Variants in POU1F1 observed in about 807,000 individuals in gnomAD.
POU1F1 encodes POU class 1 homeobox 1, also known as pituitary-specific positive transcription factor 1.
In POU1F1, 23 loss-of-function variants were observed where a neutral mutation model predicts 32.3. The ratio of observed to expected loss-of-function variants is 0.71; its 90% confidence interval spans 0.51 to 1.01. POU1F1 has a LOEUF of 1.01. POU1F1 is among the 50% of genes least tolerant of loss of function. The probability of loss-of-function intolerance (pLI) is 0.00; values close to 1 mark genes in which losing one functional copy is unlikely to be tolerated. For synonymous variants in POU1F1, 120 were observed against 115.6 expected (o/e 1.04, Z -0.25); for missense variants, 323 against 341.6 (o/e 0.95, Z 0.43).
At chr3:87,261,572 T>C (rs1439291275) in intron 4 of POU1F1, among the ~76,000 whole-genome samples, 1 of 152,208 alleles carries the variant, frequency 6.6e-6, no homozygotes, top group Non-Finnish European at 1.5e-5. Flanking sequence ...TTTACTTTTG[T>C]TGGAATGCTT....
At chr3:87,271,731 T>A (rs566048477) in intron 2 of POU1F1, among the ~76,000 whole-genome samples, 1 of 152,134 alleles carries the variant, frequency 6.6e-6, no homozygotes, top group African/African-American at 2.4e-5. Flanking sequence ...TAACCATGAA[T>A]ACTAATTAAG....
intron 4 of POU1F1, 85 bp from the exon 5 acceptor site, chr3:87,261,418 C>T: frequency 9.3e-7 from 1 of 1,070,844 alleles, no homozygotes; most frequent in Non-Finnish European, 1.4e-6. Flanking sequence ...AAATTTTCTT[C>T]ATAAAACAAT....
chr3:87,264,536 A>G (rs758722216), intron 2 of POU1F1, 24 bp from the exon 3 acceptor site: 5 of 1,515,266 alleles, frequency 3.3e-6, no homozygotes, highest in Non-Finnish European at 4.6e-6. Context: ...AAGAAATAAA[A>G]TGAAAAAGAC....
chr3:87,276,053 G>A (rs1706820098), intron 1 of POU1F1, among the ~76,000 whole-genome samples: 1 of 151,972 alleles, frequency 6.6e-6, no homozygotes, highest in Admixed American at 6.6e-5. Flanking sequence ...AAATGTCCAA[G>A]TTCATTCTTT....
chr3:87,263,890 A>T (rs770654452), intron 3 of POU1F1, among the ~76,000 whole-genome samples: 1 of 151,964 alleles, frequency 6.6e-6, no homozygotes, highest in Non-Finnish European at 1.5e-5. Context: ...TATCCATGAG[A>T]TATCATTGGA....
chr3:87,275,071 ACTATTTAAAATATGTGATTAG>A (rs1706800908), intron 1 of POU1F1, among the ~76,000 whole-genome samples: 2 of 151,972 alleles, frequency 1.3e-5, no homozygotes, highest in South Asian at 4.1e-4. Context: ...AGGATGACCT[ACTATTTAAAATATGTGATTAG>A]CTATGTGGTA....
chr3:87,271,251 A>G (rs150110630), intron 2 of POU1F1, among the ~76,000 whole-genome samples: 15 of 152,252 alleles, frequency 9.9e-5, no homozygotes, highest in African/African-American at 3.6e-4. Context: ...TGAGCTGCCA[A>G]CACTCTCAAT....
chr3:87,276,494 C>A lies in POU1F1; in HGVS notation c.-32G>T. ...AAGAGAGTAGAAAAATAAGGAGAAC[C>A]GCTGCTCCCCAAATCAGAGTTTTAT... On this transcript the variant is annotated 5_prime_UTR_variant, in exon 1 of 6. Coordinates refer to ENST00000350375, the MANE Select transcript of POU1F1 (RefSeq NM_000306.4). 2 of 1,610,356 alleles carry A rather than the reference C, an allele frequency of 1.2e-6. No individual in the cohort carries two copies. The highest frequency in any genetic ancestry group is 1.7e-4 in the Middle Eastern group (1 of 6,046).
At chr3:87,262,845 C>T (rs937514929) in intron 3 of POU1F1, among the ~76,000 whole-genome samples, 4 of 151,920 alleles carry the variant, frequency 2.6e-5, no homozygotes, top group African/African-American at 7.2e-5. Flanking sequence ...TATTGTTTGT[C>T]GCAAACATTT....
At chr3:87,270,141 T>C (rs1473000460) in intron 2 of POU1F1, among the ~76,000 whole-genome samples, 1 of 152,138 alleles carries the variant, frequency 6.6e-6, no homozygotes, top group Admixed American at 6.6e-5. Flanking sequence ...TTGATTTGAA[T>C]TCTCTAAGTT....
chr3:87,261,279 G>T lies in POU1F1; in HGVS notation c.659C>A (p.Thr220Asn). 6.3e-7 allele frequency: 1 copy of T among 1,577,514 alleles called. No homozygotes were observed. The highest frequency in any genetic ancestry group is 8.7e-7 in the Non-Finnish European group (1 of 1,154,034). The change falls in exon 5 of 6, where the codon ACT becomes AAT. Residue 220 changes from threonine to asparagine, a missense_variant. Coordinates refer to ENST00000350375, the MANE Select transcript of POU1F1 (RefSeq NM_000306.4). The part of the protein sequence containing the change: ...ANERKRKRRT[T>N]ISIAAKDALE... The stretch of plus-strand genomic sequence containing the variant: ...CTTTTAATATAAAGAATACCTTATA[G>T]TTGTTCTTCGTTTTCTTTTCCTTTC...
Position 87,261,346 on chromosome 3 carries a change from A to G in POU1F1, c.605-13T>C. On this transcript the variant is annotated splice_polypyrimidine_tract_variant and intron_variant, in intron 4 of 5. Transcript: ENST00000350375. ...TCATTGTACAAAGCTATAATGTGGA[A>G]AAGAGAGATAATTACAAACACAAAG... 1 of 1,570,460 alleles carries G rather than the reference A, an allele frequency of 6.4e-7. No homozygotes were observed. Among genetic ancestry groups the G allele is most frequent in the African/African-American group, 1.3e-5 (1 of 74,146 alleles).
Position 87,276,325 on chromosome 3 carries a change from A to G in POU1F1, c.138T>C (p.Ser46=). Residue 46 remains serine, a synonymous_variant, in exon 1 of 6, where the codon TCT becomes TCC. Transcript: ENST00000350375. ...AACTGTCATAGGAGTCAGTACCTGT[A>G]GACATCACATTGGTGGCATGGTTGG... ...PVSNHATNVM[S]TATGLHYSVP... The G allele has an allele frequency of 1.2e-6, 2 of 1,613,938 alleles. No individual in the cohort carries two copies. Among genetic ancestry groups the G allele is most frequent in the Non-Finnish European group, 1.7e-6 (2 of 1,179,832 alleles).
Position 87,259,788 on chromosome 3 carries a change from G to A in POU1F1, c.*106C>T. On this transcript the variant is annotated 3_prime_UTR_variant, in exon 6 of 6. Coordinates refer to ENST00000350375, the MANE Select transcript of POU1F1 (RefSeq NM_000306.4). ...GTGGAAAAGTAAAGCTTCTGTAAAAGCTATTGATATAAAATGATTTTAAGT... is the reference window on the plus strand; with the variant it reads ...GTGGAAAAGTAAAGCTTCTGTAAAAACTATTGATATAAAATGATTTTAAGT... 3 of 916,602 alleles carry A rather than the reference G, an allele frequency of 3.3e-6. No homozygotes were observed. The highest frequency in any genetic ancestry group is 5.1e-6 in the Non-Finnish European group (3 of 589,332). The allele number at this position is 916,602 out of a possible 1,614,324, so 56.8% of individuals were successfully genotyped here.
chr3:87,269,947 T>C (rs967036479), intron 2 of POU1F1, among the ~76,000 whole-genome samples: 1 of 152,158 alleles, frequency 6.6e-6, no homozygotes, highest in Non-Finnish European at 1.5e-5. Flanking sequence ...TGAACCCCCA[T>C]TGAGCTTGTT....
At chr3:87,268,084 CT>C (rs11387958) in intron 2 of POU1F1, among the ~76,000 whole-genome samples, 2,889 of 116,424 alleles carry the variant, frequency 0.025, 51 homozygotes, top group Non-Finnish European at 0.029. Flanking sequence ...TTCCCTTTCC[CT>C]TTTTTTTTTT....
intron 2 of POU1F1, among the ~76,000 whole-genome samples, chr3:87,265,098 AAG>A (rs1706592352): frequency 6.6e-6 from 1 of 152,096 alleles, no homozygotes; most frequent in African/African-American, 2.4e-5. Flanking sequence ...GGTAGGCAGA[AAG>A]AGAATGATGA....
At chr3:87,268,084 C>CTTTT (rs11387958) in intron 2 of POU1F1, among the ~76,000 whole-genome samples, 19 of 116,458 alleles carry the variant, frequency 1.6e-4, no homozygotes, top group Non-Finnish European at 2.1e-4. Flanking sequence ...TTCCCTTTCC[C>CTTTT]TTTTTTTTTT....
In POU1F1 at chr3:87,262,248, A is replaced by G. The variant is rs1338507659; in HGVS notation, c.440-13T>C. 13 of 1,613,748 alleles carry G rather than the reference A, an allele frequency of 8.1e-6. No individual in the cohort carries two copies. Among genetic ancestry groups the G allele is most frequent in the South Asian group, 1.1e-5 (1 of 91,040 alleles). Reference sequence around the variant, plus strand: ...GTCTGGGTGTATCCTGTGAAGGGACAATAAAGACCATCAGCTCCAACTTTC... The same window carrying G: ...GTCTGGGTGTATCCTGTGAAGGGACGATAAAGACCATCAGCTCCAACTTTC... On this transcript the variant is annotated splice_polypyrimidine_tract_variant and intron_variant, in intron 3 of 5. Coordinates refer to ENST00000350375, the MANE Select transcript of POU1F1 (RefSeq NM_000306.4).
Sources: allele counts gnomAD v4.1 joint callset (sites outside exome capture counted in the v4.1 genomes callset), GRCh38; gene constraint gnomAD v4.1.1; transcripts MANE v1.5; gene names NCBI Gene and HGNC (gene_info 2026-07-23, HGNC 2026-07-21).